KLK8: variants seen among roughly 807,000 people sequenced by gnomAD.
The protein encoded by KLK8 is kallikrein-8.
Under a neutral mutation model 26.7 loss-of-function variants are expected in KLK8, and 18 were observed. The observed-to-expected ratio is 0.67, with a 90% CI of 0.47 to 1.00. The LOEUF (loss-of-function observed/expected upper bound fraction) is 1.00. KLK8 is among the 50% of genes least tolerant of loss of function. The probability of loss-of-function intolerance (pLI) is 0.00; values close to 1 mark genes in which losing one functional copy is unlikely to be tolerated. For missense variants in KLK8, 301 were observed against 331.7 expected (o/e 0.91, Z 0.72); for synonymous variants, 137 against 127.1 (o/e 1.08, Z -0.52).
rs147823835 is a variant in KLK8, at chr19:50,997,755, C to T, written c.623G>A (p.Cys208Tyr). The T allele has an allele frequency of 1.2e-6, 2 of 1,613,864 alleles. No individual in the cohort carries two copies. Among genetic ancestry groups the T allele is most frequent in the African/African-American group, 2.7e-5 (2 of 74,886 alleles). ...AGGATTTCAGAAATTGCTCACCTGGCACGTGTCAGCCCCTTTGCTGCTGCC... is the reference window on the plus strand; with the variant it reads ...AGGATTTCAGAAATTGCTCACCTGGTACGTGTCAGCCCCTTTGCTGCTGCC... The change falls in exon 6 of 7, where the codon TGC becomes TAC. Residue 208 changes from cysteine (C) to tyrosine (Y), a missense_variant. Coordinates refer to ENST00000600767, the Ensembl canonical transcript of KLK8.
At chr19:50,999,705 A>G (rs1342034975) in intron 5 of KLK8, among the ~76,000 whole-genome samples, 2 of 146,330 alleles carry the variant, frequency 1.4e-5, no homozygotes, top group Non-Finnish European at 3.0e-5. Flanking sequence ...GTGTGTTAAG[A>G]TTATATAAAA....
rs777114256 is a variant in KLK8 at position 50,997,774 on chromosome 19, T to C, written c.604A>G (p.Ser202Gly). 3.1e-6 allele frequency: 5 copies of C among 1,614,154 alleles called. No individual in the cohort carries two copies. The Admixed American group carries it at 8.3e-5, about 27-fold the overall frequency. ...ACCTGGCACGTGTCAGCCCCTTTGC[T>C]GCTGCCTGCACAGACCATGCCATCT... is the stretch of plus-strand genomic sequence containing the variant. The change falls in exon 6 of 7, where the codon AGC becomes GGC. Residue 202 changes from serine (S) to glycine (G), a missense_variant. Ser to Gly is a moderately conservative substitution (Grantham distance 56). Coordinates refer to ENST00000600767, the Ensembl canonical transcript of KLK8.
At chr19:51,000,364 A>G in intron 4 of KLK8, 60 bp downstream of exon 3, 1 of 1,549,926 alleles carries the variant, frequency 6.5e-7, no homozygotes, top group Non-Finnish European at 8.7e-7. Context: ...TCCTGAGTCG[A>G]AACCCCAGCC....
intron 5 of KLK8, chr19:50,998,851 T>G (rs553007242): frequency 6.6e-6 from 1 of 152,278 alleles, no homozygotes; most frequent in East Asian, 1.9e-4. Flanking sequence ...AAAAATCTAT[T>G]GGTTAATGAT....
At chr19:51,000,088 G>T (rs749621717) in exon 5 of KLK8, 1 of 1,614,058 alleles carries the variant, frequency 6.2e-7, no homozygotes, top group South Asian at 1.1e-5. Flanking sequence ...CTTCACTTTG[G>T]ACCCCAGGGA....
At chr19:50,997,233 T>C (rs2091178407) in intron 6 of KLK8, among the ~76,000 whole-genome samples, 1 of 152,142 alleles carries the variant, frequency 6.6e-6, no homozygotes, top group Non-Finnish European at 1.5e-5. Flanking sequence ...GAGGAAGCAC[T>C]GAAGTCAATG....
At position 50,997,029 on chromosome 19, in the gene KLK8, C is replaced by T. The variant is rs944484510; in HGVS notation, c.627+722G>A. On this transcript the variant is annotated intron_variant, in intron 6 of 6. Transcript: ENST00000600767. Reference sequence around the variant, plus strand: ...CAGAGACTGGCTTTCATGGCAGTATCGCTGATGGAAACGACTCCATTTTTG... The same window carrying T: ...CAGAGACTGGCTTTCATGGCAGTATTGCTGATGGAAACGACTCCATTTTTG... 1.1e-4 allele frequency among the ~76,000 whole-genome samples: 16 copies of T among 151,996 alleles called. No homozygotes were observed. The East Asian group carries it at 1.9e-3, about 18-fold the overall frequency.
Position 50,996,218 on chromosome 19 carries a change from G to C in KLK8, c.628-4C>G, listed in dbSNP as rs749707891. The C allele has an allele frequency of 6.2e-7, 1 of 1,613,542 alleles. No homozygotes were observed. Among genetic ancestry groups the C allele is most frequent in the Non-Finnish European group, 8.5e-7 (1 of 1,179,568 alleles). On this transcript the variant is annotated splice_polypyrimidine_tract_variant and splice_region_variant and intron_variant, in intron 6 of 6. Transcript: ENST00000600767. The stretch of plus-strand genomic sequence containing the variant: ...CCAGGGGGCCTCCAGAATCGCCCTA[G>C]ACAGGGAGAATGAGAACAGCCTTGC...
chr19:50,997,287 A>C (rs1383371908), intron 6 of KLK8, among the ~76,000 whole-genome samples: 1 of 152,190 alleles, frequency 6.6e-6, no homozygotes, highest in South Asian at 2.1e-4. Context: ...ATTGTCTCCC[A>C]AGGAACCAAT....
intron 6 of KLK8, among the ~76,000 whole-genome samples, chr19:50,997,041 C>T (rs1206747853): frequency 2.0e-5 from 3 of 151,888 alleles, no homozygotes; most frequent in Non-Finnish European, 2.9e-5. Flanking sequence ...CTGATGGAAA[C>T]GACTCCATTT....
chr19:50,996,955 C>A (rs1420315931), intron 6 of KLK8, among the ~76,000 whole-genome samples: 2 of 150,628 alleles, frequency 1.3e-5, no homozygotes, highest in Non-Finnish European at 3.0e-5. Flanking sequence ...CCCCAAGAGA[C>A]CATGGCTGAA....
At chr19:50,997,574 T>C (rs2091181837) in intron 6 of KLK8, among the ~76,000 whole-genome samples, 177 bp downstream of exon 5, 1 of 152,104 alleles carries the variant, frequency 6.6e-6, no homozygotes, top group African/African-American at 2.4e-5. Context: ...AGTGTGACTT[T>C]CAGAGAGAGA....
exon 6 of KLK8, chr19:50,997,845 A>G (rs2091185007): frequency 6.2e-7 from 1 of 1,613,980 alleles, no homozygotes; most frequent in South Asian, 1.1e-5. Context: ...CTGGGGAAAG[A>G]TTTTTACTTC....
At chr19:50,996,685 T>C (rs1037176525) in intron 6 of KLK8, among the ~76,000 whole-genome samples, 6 of 144,246 alleles carry the variant, frequency 4.2e-5, no homozygotes, top group South Asian at 4.3e-4. Context: ...TGAGCCAAGA[T>C]TGTGCCACTG....
At chr19:50,999,597 A>AAAAAAAAAG (rs2091201207) in intron 5 of KLK8, among the ~76,000 whole-genome samples, 5 of 104,090 alleles carry the variant, frequency 4.8e-5, no homozygotes, top group African/African-American at 2.0e-4. Context: ...AAAAAAAAAA[A>AAAAAAAAAG]AAAAAAAAAA....
chr19:50,996,263 T>G, intron 6 of KLK8, 49 bp from the exon 6 acceptor site: 6 of 1,589,584 alleles, frequency 3.8e-6, no homozygotes, highest in Non-Finnish European at 4.3e-6. Flanking sequence ...GTCCACAACG[T>G]CCCTTTTCCT....
chr19:50,996,092 G>A, exon 7 of KLK8: 1 of 1,614,208 alleles, frequency 6.2e-7, no homozygotes, highest in Admixed American at 1.7e-5. Flanking sequence ...TCTTGATCCA[G>A]TCCAGGTAGC....
exon 5 of KLK8, chr19:51,000,047 G>C: frequency 6.2e-7 from 1 of 1,613,204 alleles, no homozygotes; most frequent in Non-Finnish European, 8.5e-7. Flanking sequence ...TTCTGGCCAG[G>C]CTGGGTGCAA....
chr19:51,000,646 C>G lies in KLK8; in HGVS notation c.71-63G>C, dbSNP rs2091215300. 1 of 1,593,866 alleles carries G rather than the reference C, an allele frequency of 6.3e-7. No homozygotes were observed. The highest frequency in any genetic ancestry group is 8.6e-7 in the Non-Finnish European group (1 of 1,165,650). The stretch of plus-strand genomic sequence containing the variant: ...GGGGCAGTGCGAGGGCTGGGAAGGC[C>G]ACTGTGGGTTCAAATGGACACACGG... On this transcript the variant is annotated intron_variant, in intron 3 of 6. Transcript: ENST00000600767.
Sources: allele counts gnomAD v4.1 joint callset (sites outside exome capture counted in the v4.1 genomes callset), GRCh38; gene constraint gnomAD v4.1.1; transcripts MANE v1.5; gene names NCBI Gene and HGNC (gene_info 2026-07-23, HGNC 2026-07-21).